SEC31A: variants seen among roughly 807,000 people sequenced by gnomAD.
SEC31A encodes the protein protein transport protein Sec31A.
In SEC31A, 70 loss-of-function variants were observed where a neutral mutation model predicts 151.0. That is an observed-to-expected ratio of 0.46 (90% CI 0.38 to 0.57). The LOEUF (loss-of-function observed/expected upper bound fraction) is 0.57. SEC31A is among the 20% of genes least tolerant of loss of function. SEC31A has a pLI of 0.00. For missense variants in SEC31A, 1,330 were observed against 1,471.2 expected (o/e 0.90, Z 1.57); for synonymous variants, 475 against 505.9 (o/e 0.94, Z 0.82).
intron 6 of SEC31A, among the ~76,000 whole-genome samples, chr4:82,873,969 T>C (rs1017172518): frequency 3.3e-5 from 5 of 151,940 alleles, no homozygotes; most frequent in African/African-American, 1.2e-4. Context: ...GCAGGAAAAA[T>C]TTTTACATTC....
chr4:82,900,395 T>C (rs1368839654), exon 1 of SEC31A: 1 of 220,106 alleles, frequency 4.5e-6, no homozygotes, highest in Admixed American at 5.5e-5. Context: ...GGCAGGTTCC[T>C]GGATTCGCCT....
At chr4:82,830,267 C>T (rs1003546243) in intron 22 of SEC31A, among the ~76,000 whole-genome samples, 4 of 152,134 alleles carry the variant, frequency 2.6e-5, no homozygotes, top group Non-Finnish European at 4.4e-5. Context: ...TCGAGACCAG[C>T]CTGGCCAACA....
At chr4:82,875,200 T>TA (rs1737629095) in intron 5 of SEC31A, among the ~76,000 whole-genome samples, 1 of 152,208 alleles carries the variant, frequency 6.6e-6, no homozygotes, top group Non-Finnish European at 1.5e-5. Flanking sequence ...GCCAAAATGT[T>TA]AGAGCCAGTT....
chr4:82,897,719 A>G (rs1192318233), intron 3 of SEC31A: 1 of 152,190 alleles, frequency 6.6e-6, no homozygotes, highest in East Asian at 1.9e-4. Context: ...AGCCTGGGTG[A>G]CAGAGTGAGA....
At chr4:82,866,309 A>G (rs1735380660) in intron 10 of SEC31A, among the ~76,000 whole-genome samples, 2 of 152,136 alleles carry the variant, frequency 1.3e-5, no homozygotes, top group South Asian at 4.1e-4. Context: ...CATCTCTACT[A>G]AAAATACAAA....
chr4:82,844,429 T>G lies in SEC31A; in HGVS notation c.2583A>C (p.Pro861=). 1 of 1,614,126 alleles carries G rather than the reference T, an allele frequency of 6.2e-7. No individual in the cohort carries two copies. The highest frequency in any genetic ancestry group is 1.1e-5 in the South Asian group (1 of 91,082). ...PNAAGQLPTS[P]GHMHTQVPPY... ...GTGGTACCTGGGTGTGCATATGACCTGGAGATGTGGGAAGCTGACCAGCAG... is the reference window on the plus strand; with the variant it reads ...GTGGTACCTGGGTGTGCATATGACCGGGAGATGTGGGAAGCTGACCAGCAG... Residue 861 remains proline (P), a synonymous_variant, in exon 21 of 27, where the codon CCA becomes CCC. Transcript: ENST00000395310.
intron 17 of SEC31A, among the ~76,000 whole-genome samples, 189 bp downstream of exon 17, chr4:82,854,714 A>T (rs1421091332): frequency 6.1e-5 from 3 of 48,864 alleles, no homozygotes; most frequent in East Asian, 3.5e-4. Context: ...AGTAGATTTA[A>T]AAAAAAAAAA....
chr4:82,882,592 A>T (rs1175328528), intron 1 of SEC31A, among the ~76,000 whole-genome samples: 6 of 152,172 alleles, frequency 3.9e-5, no homozygotes, highest in Admixed American at 3.9e-4. Context: ...ACTAGGATGG[A>T]TGACAAAACA....
chr4:82,850,269 T>A (rs994201766), intron 19 of SEC31A, among the ~76,000 whole-genome samples: 2 of 152,188 alleles, frequency 1.3e-5, no homozygotes, highest in Non-Finnish European at 2.9e-5. Flanking sequence ...TATTTACTTA[T>A]AACTTTTTAC....
chr4:82,871,508 G>T, intron 7 of SEC31A: 1 of 990,598 alleles, frequency 1.0e-6, no homozygotes, highest in Non-Finnish European at 1.5e-6. Context: ...TCCTACGGTG[G>T]CCCATGCCTG....
intron 14 of SEC31A, among the ~76,000 whole-genome samples, chr4:82,858,784 A>C (rs1047507233): frequency 1.3e-4 from 20 of 151,082 alleles, no homozygotes; most frequent in African/African-American, 4.6e-4. Context: ...CTCACTGCAA[A>C]CTCTGCCTCC....
chr4:82,832,263 C>T (rs1726118983), intron 22 of SEC31A, among the ~76,000 whole-genome samples: 1 of 152,082 alleles, frequency 6.6e-6, no homozygotes, highest in South Asian at 2.1e-4. Flanking sequence ...ACACATCTAC[C>T]AGCATCTGAT....
chr4:82,869,173 G>A (rs1194497136), intron 8 of SEC31A, among the ~76,000 whole-genome samples: 3 of 152,008 alleles, frequency 2.0e-5, no homozygotes, highest in African/African-American at 4.8e-5. Context: ...AGGCTGGAGT[G>A]CAGTGGTGCG....
At chr4:82,856,883 T>C (rs551655089) in intron 16 of SEC31A, 69 bp downstream of exon 16, 26 of 1,298,512 alleles carry the variant, frequency 2.0e-5, no homozygotes, top group East Asian at 2.5e-5. Flanking sequence ...CAGTTATCTA[T>C]AATAACAGTG....
Position 82,819,052 on chromosome 4 carries a change from G to T in SEC31A, c.*22C>A. ...GTTTCTTTGGAAAAATGGCAATATT[G>T]AGTGGAAGAGAAGCTGTCCTTTTAG... is the stretch of plus-strand genomic sequence containing the variant. On this transcript the variant is annotated 3_prime_UTR_variant, in exon 27 of 27. Coordinates refer to ENST00000395310, the MANE Select transcript of SEC31A (RefSeq NM_001077207.4). The T allele has an allele frequency of 1.9e-6, 3 of 1,562,206 alleles. No homozygotes were observed. The highest frequency in any genetic ancestry group is 1.2e-5 in the South Asian group (1 of 81,442).
Position 82,866,662 on chromosome 4 carries a change from A to G in SEC31A, c.1197+146T>C, listed in dbSNP as rs911761061. ...AAGAGTAGGTTCCAATTTTTCAGAG[A>G]AACCATTTTGAATGATGAAATACCC... On this transcript the variant is annotated intron_variant, in intron 10 of 26. Coordinates refer to ENST00000395310, the MANE Select transcript of SEC31A (RefSeq NM_001077207.4). 5.8e-6 allele frequency: 4 copies of G among 688,756 alleles called. No individual in the cohort carries two copies. The African/African-American group carries it at 7.4e-5, about 13-fold the overall frequency. The allele number at this position is 688,756 out of a possible 1,614,324, so 42.7% of individuals were successfully genotyped here.
intron 19 of SEC31A, among the ~76,000 whole-genome samples, chr4:82,849,681 T>A (rs1161109712): frequency 6.6e-6 from 1 of 150,914 alleles, no homozygotes; most frequent in Non-Finnish European, 1.5e-5. Flanking sequence ...AAGGTGGTTA[T>A]TGAAGAAAAT....
At chr4:82,832,090 A>G (rs894888320) in intron 22 of SEC31A, among the ~76,000 whole-genome samples, 2 of 152,240 alleles carry the variant, frequency 1.3e-5, no homozygotes, top group African/African-American at 4.8e-5. Flanking sequence ...AAAAGAGCCC[A>G]CATAGCCAAG....
chr4:82,868,294 T>C (rs1326119600), intron 8 of SEC31A, among the ~76,000 whole-genome samples: 16 of 150,960 alleles, frequency 1.1e-4, no homozygotes, highest in African/African-American at 3.7e-4. Flanking sequence ...AGCCCAGGAG[T>C]TCAAGACCAG....
Sources: gnomAD v4.1 joint callset for allele counts (sites outside exome capture counted in the v4.1 genomes callset) on GRCh38, gnomAD v4.1.1 for gene constraint, MANE v1.5 for transcripts, NCBI Gene and HGNC (gene_info 2026-07-23, HGNC 2026-07-21) for gene names.